The following TENM2 variants were observed in gnomAD, a reference collection of about 807,000 sequenced individuals.
The protein encoded by TENM2 is teneurin-2.
TENM2 carries 52 observed loss-of-function variants against 245.2 expected under a neutral mutation model. The ratio of observed to expected loss-of-function variants is 0.21; its 90% confidence interval spans 0.17 to 0.27. The LOEUF (loss-of-function observed/expected upper bound fraction) is 0.27. Ranked by LOEUF, TENM2 falls within the 10% of genes least tolerant of loss-of-function variation. TENM2 has a pLI of 1.00. For missense variants in TENM2, 3,046 were observed against 3,666.8 expected (o/e 0.83, Z 4.37); for synonymous variants, 1,363 against 1,438.9 (o/e 0.95, Z 1.19).
At chr5:168,080,774 G>T (rs1791924966) in intron 7 of TENM2, among the ~76,000 whole-genome samples, 1 of 152,174 alleles carries the variant, frequency 6.6e-6, no homozygotes, top group African/African-American at 2.4e-5. Flanking sequence ...ATTCTAGTTT[G>T]ATTGCACTGT....
In TENM2 at chr5:167,658,364, G is replaced by A. The variant is rs540628683; in HGVS notation, c.503-217622G>A. Among the ~76,000 whole-genome samples the A allele has an allele frequency of 3.2e-4, 49 of 151,834 alleles. 1 individual carries two copies. The highest frequency in any genetic ancestry group is 1.5e-3 in the Admixed American group (23 of 15,250). ...GCTGGCGTTACAGGCATGTGCCACC[G>A]TGCCCAGCTAATTTTGTATTTTTAG... On this transcript the variant is annotated intron_variant, in intron 2 of 28. Transcript: ENST00000518659.
intron 2 of TENM2, among the ~76,000 whole-genome samples, chr5:167,632,107 TG>T (rs1158992369): frequency 1.3e-5 from 2 of 152,124 alleles, no homozygotes; most frequent in African/African-American, 4.8e-5. Context: ...AGCAATCCTG[TG>T]GGGGTTTTAA....
At position 167,385,502 on chromosome 5, in the gene TENM2, A is replaced by AT. The variant is rs151167866; in HGVS notation, c.502+10044dup. On this transcript the variant is annotated intron_variant, in intron 2 of 28. Coordinates refer to ENST00000518659, the Ensembl canonical transcript of TENM2. ...ATATTGTGGGGTTTTTTTAGGTTTA[A>AT]TTTTTTTTTTTTTTTACTTCCATAG... Among the ~76,000 whole-genome samples, 1,018 of 126,782 alleles carry AT rather than the reference A, an allele frequency of 8.0e-3. 7 individuals carry two copies. Among genetic ancestry groups the AT allele is most frequent in the South Asian group, 0.03 (126 of 4,134 alleles). 83.2% of individuals were successfully genotyped at this position (126,782 alleles called of 152,430 possible).
intron 25 of TENM2, chr5:168,229,555 G>C (rs1171093660): frequency 6.6e-6 from 1 of 152,000 alleles, no homozygotes; most frequent in African/African-American, 2.4e-5. Context: ...AATAACTGCA[G>C]AACAAGACAA....
At chr5:167,692,341 C>T (rs1055848212) in intron 2 of TENM2, among the ~76,000 whole-genome samples, 1 of 152,188 alleles carries the variant, frequency 6.6e-6, no homozygotes, top group Non-Finnish European at 1.5e-5. Context: ...TGGCTGTGCA[C>T]TACTGTCACC....
At chr5:168,080,377 A>C (rs899074852) in intron 7 of TENM2, among the ~76,000 whole-genome samples, 1 of 152,100 alleles carries the variant, frequency 6.6e-6, no homozygotes, top group African/African-American at 2.4e-5. Context: ...TTTTCAAAAA[A>C]CCAGCTCCTG....
At chr5:167,326,664 C>T (rs1358031931) in intron 1 of TENM2, among the ~76,000 whole-genome samples, 1 of 148,720 alleles carries the variant, frequency 6.7e-6, no homozygotes, top group African/African-American at 2.5e-5. Context: ...AAGAATGAGA[C>T]TCCGTCAGAA....
chr5:167,175,918 G>A, the TENM2 span, among the ~76,000 whole-genome samples: 2 of 152,052 alleles, frequency 1.3e-5, no homozygotes, highest in Non-Finnish European at 2.9e-5. Flanking sequence ...CCGTATTGGC[G>A]AGGTTGGTCT....
chr5:167,201,599 C>T, the TENM2 span, among the ~76,000 whole-genome samples: 3 of 152,152 alleles, frequency 2.0e-5, no homozygotes, highest in African/African-American at 7.2e-5. Context: ...GAAAGAATGC[C>T]TTCTGATTAA....
At chr5:167,935,749 C>T (rs1446804580) in intron 3 of TENM2, among the ~76,000 whole-genome samples, 2 of 152,104 alleles carry the variant, frequency 1.3e-5, no homozygotes, top group Non-Finnish European at 2.9e-5. Context: ...GACACAGGGA[C>T]TAGAACAGAC....
chr5:167,663,328 T>C (rs977325680), intron 2 of TENM2, among the ~76,000 whole-genome samples: 1 of 152,234 alleles, frequency 6.6e-6, no homozygotes, highest in Non-Finnish European at 1.5e-5. Flanking sequence ...AAAATACTTA[T>C]GATTCATTAT....
chr5:167,674,391 ATTCC>A (rs1756169179), intron 2 of TENM2, among the ~76,000 whole-genome samples: 1 of 152,084 alleles, frequency 6.6e-6, no homozygotes, highest in South Asian at 2.1e-4. Flanking sequence ...CAAAATGTTT[ATTCC>A]TGTAAAAGTA....
chr5:167,885,464 T>C (rs1774207202), intron 3 of TENM2, among the ~76,000 whole-genome samples: 1 of 152,126 alleles, frequency 6.6e-6, no homozygotes, highest in Admixed American at 6.5e-5. Flanking sequence ...CATTAGGAGC[T>C]GGCTTGTCAC....
intron 12 of TENM2, among the ~76,000 whole-genome samples, chr5:168,154,254 C>T (rs1051194264): frequency 6.6e-6 from 1 of 151,278 alleles, no homozygotes; most frequent in Non-Finnish European, 1.5e-5. Context: ...GTTCTTTTGC[C>T]CAGGCTGGAG....
chr5:167,617,687 T>C (rs546525830), intron 2 of TENM2, among the ~76,000 whole-genome samples: 1 of 152,286 alleles, frequency 6.6e-6, no homozygotes, highest in Non-Finnish European at 1.5e-5. Context: ...GTTTGAACAG[T>C]CTTTGTAGCC....
the TENM2 span, among the ~76,000 whole-genome samples, chr5:167,075,282 C>T: frequency 8.6e-5 from 13 of 151,994 alleles, no homozygotes; most frequent in Non-Finnish European, 1.2e-4. Context: ...TTGAGGCTTC[C>T]TAGAGGGTTT....
chr5:167,661,472 A>C (rs964442813), intron 2 of TENM2, among the ~76,000 whole-genome samples: 1 of 152,204 alleles, frequency 6.6e-6, no homozygotes, highest in Non-Finnish European at 1.5e-5. Flanking sequence ...CCTGGAAAAT[A>C]GTAATTCTAA....
intron 2 of TENM2, among the ~76,000 whole-genome samples, chr5:167,832,232 C>T (rs1250156665): frequency 1.3e-5 from 2 of 152,210 alleles, no homozygotes; most frequent in African/African-American, 4.8e-5. Context: ...TACGGCACTG[C>T]GTGGATTACA....
At chr5:167,394,241 T>C (rs1761925998) in intron 2 of TENM2, among the ~76,000 whole-genome samples, 1 of 152,164 alleles carries the variant, frequency 6.6e-6, no homozygotes, top group Non-Finnish European at 1.5e-5. Context: ...TTTTAGGAGA[T>C]TCACAGTTTC....
Sources: gnomAD v4.1 joint callset for allele counts (sites outside exome capture counted in the v4.1 genomes callset) on GRCh38, gnomAD v4.1.1 for gene constraint, MANE v1.5 for transcripts, NCBI Gene and HGNC (gene_info 2026-07-23, HGNC 2026-07-21) for gene names.